The following PLB1 variants were observed in gnomAD, a reference collection of about 807,000 sequenced individuals.
PLB1 encodes the protein phospholipase B1, membrane-associated.
PLB1 carries 242 observed loss-of-function variants against 227.4 expected under a neutral mutation model. The observed-to-expected ratio is 1.06, with a 90% CI of 0.96 to 1.18. The LOEUF is 1.18. PLB1 is among the 50% of genes most tolerant of loss of function. The pLI is 0.00. For missense variants in PLB1, 1,858 were observed against 1,816.3 expected (o/e 1.02, Z -0.42); for synonymous variants, 757 against 682.2 (o/e 1.11, Z -1.71).
chr2:28,596,960 G>A (rs1257269728), intron 33 of PLB1, among the ~76,000 whole-genome samples: 1 of 152,186 alleles, frequency 6.6e-6, no homozygotes, highest in Non-Finnish European at 1.5e-5. Flanking sequence ...CTAAGGCCAC[G>A]TTCTTAAAAT....
intron 53 of PLB1, among the ~76,000 whole-genome samples, chr2:28,630,302 G>A (rs183067110): frequency 9.2e-5 from 14 of 152,294 alleles, no homozygotes; most frequent in Admixed American, 2.0e-4. Context: ...GGGAATAGGC[G>A]TTCTGTCCAC....
At position 28,618,323 on chromosome 2, in the gene PLB1, T is replaced by A; in HGVS notation, c.3257-18T>A. On this transcript the variant is annotated intron_variant, in intron 45 of 57. Transcript: ENST00000327757. ...TACCCCCAGCCCCCACAACCACCTC[T>A]CTGCTTGTCTCCCCTAGTCCACCAG... 1 of 1,613,454 alleles carries A rather than the reference T, an allele frequency of 6.2e-7. No individual in the cohort carries two copies. The highest frequency in any genetic ancestry group is 8.5e-7 in the Non-Finnish European group (1 of 1,179,420).
At chr2:28,606,404 G>C in intron 42 of PLB1, 92 bp from the exon 43 acceptor site, 1 of 1,313,226 alleles carries the variant, frequency 7.6e-7, no homozygotes, top group Non-Finnish European at 1.1e-6. Flanking sequence ...ATCGAGTTCT[G>C]AGCTTTCCCC....
intron 4 of PLB1, among the ~76,000 whole-genome samples, chr2:28,522,568 C>T (rs1669662295): frequency 2.0e-5 from 3 of 152,212 alleles, no homozygotes; most frequent in African/African-American, 7.2e-5. Context: ...CCACAGGACT[C>T]TCGGGTCCTT....
chr2:28,593,846 C>A, intron 33 of PLB1, 92 bp downstream of exon 33: 1 of 1,189,716 alleles, frequency 8.4e-7, no homozygotes, highest in South Asian at 1.3e-5. Flanking sequence ...TCCCAGAGGT[C>A]GAAGACTTGG....
chr2:28,627,853 A>G (rs1688022321), intron 51 of PLB1, among the ~76,000 whole-genome samples: 1 of 152,146 alleles, frequency 6.6e-6, no homozygotes, highest in Non-Finnish European at 1.5e-5. Flanking sequence ...CCATGAGTAT[A>G]AGAGCTTCAG....
At chr2:28,608,986 G>A (rs1685073443) in intron 43 of PLB1, among the ~76,000 whole-genome samples, 1 of 152,142 alleles carries the variant, frequency 6.6e-6, no homozygotes, top group Non-Finnish European at 1.5e-5. Context: ...CGCAATCACA[G>A]CTCTCTGCAG....
At chr2:28,578,635 T>C (rs1198281314) in intron 22 of PLB1, among the ~76,000 whole-genome samples, 3 of 151,834 alleles carry the variant, frequency 2.0e-5, no homozygotes, top group African/African-American at 7.3e-5. Flanking sequence ...AAAATAAAAG[T>C]AGAGGAGATG....
chr2:28,496,154 C>T lies in PLB1; in HGVS notation c.40C>T (p.Leu14=), dbSNP rs1203719758. Residue 14 remains leucine, a synonymous_variant, in exon 1 of 58, where the codon CTG becomes TTG. Coordinates refer to ENST00000327757, the MANE Select transcript of PLB1 (RefSeq NM_153021.5). ...RPGIFLLELL[L]LLGQGTPQIH... ...AGGCATTTTCCTCCTGGAGCTGCTG[C>T]TGCTTCTGGGGCAAGGTAAGCGTGC... is the stretch of plus-strand genomic sequence containing the variant. 6.2e-7 allele frequency: 1 copy of T among 1,614,128 alleles called. No individual in the cohort carries two copies. The highest frequency in any genetic ancestry group is 8.5e-7 in the Non-Finnish European group (1 of 1,179,982).
At chr2:28,556,530 T>C (rs1298511011) in intron 17 of PLB1, among the ~76,000 whole-genome samples, 2 of 152,224 alleles carry the variant, frequency 1.3e-5, no homozygotes, top group African/African-American at 4.8e-5. Context: ...TTTATAACTT[T>C]GTAAACACTC....
At chr2:28,570,434 C>A (rs1321837978) in intron 20 of PLB1, among the ~76,000 whole-genome samples, 3 of 152,160 alleles carry the variant, frequency 2.0e-5, no homozygotes, top group Middle Eastern at 3.2e-3. Flanking sequence ...ACATCATGAT[C>A]ATCTCAATGG....
intron 6 of PLB1, among the ~76,000 whole-genome samples, chr2:28,528,166 C>T (rs1425880810): frequency 6.6e-6 from 1 of 152,198 alleles, no homozygotes. Flanking sequence ...GCCAGCTCTC[C>T]CACCCGCACC....
intron 4 of PLB1, among the ~76,000 whole-genome samples, chr2:28,521,722 C>T (rs893599540): frequency 6.6e-6 from 1 of 152,014 alleles, no homozygotes. Flanking sequence ...CAGCATTTCC[C>T]CACAGCCCCT....
At chr2:28,527,558 C>G (rs59381105) in intron 6 of PLB1, among the ~76,000 whole-genome samples, 12,868 of 152,268 alleles carry the variant, frequency 0.085, 662 homozygotes, top group East Asian at 0.21. Context: ...CCAAACGTAG[C>G]CATGCCCTCG....
At chr2:28,532,689 A>G (rs1210971063) in intron 9 of PLB1, among the ~76,000 whole-genome samples, 1 of 152,206 alleles carries the variant, frequency 6.6e-6, no homozygotes, top group East Asian at 1.9e-4. Flanking sequence ...CTTGCGTCTT[A>G]ATTCTGATTT....
Position 28,604,119 on chromosome 2 carries a change from A to G in PLB1, c.2856+72A>G, listed in dbSNP as rs150626929. ...CTCTAACACACAGCCCAGAGCCCCT[A>G]GAGGAGGCACACAGGGAAGGAAAAG... is the stretch of plus-strand genomic sequence containing the variant. On this transcript the variant is annotated intron_variant, in intron 40 of 57. Transcript: ENST00000327757. The G allele has an allele frequency of 4.2e-6, 6 of 1,412,594 alleles. No individual in the cohort carries two copies. In the African/African-American group the frequency reaches 8.5e-5, roughly 20 times the overall value. The allele number at this position is 1,412,594 out of a possible 1,614,324, so 87.5% of individuals were successfully genotyped here.
chr2:28,572,591 T>C (rs1558795311), intron 20 of PLB1, among the ~76,000 whole-genome samples: 1 of 152,224 alleles, frequency 6.6e-6, no homozygotes. Flanking sequence ...GCAGTACAGT[T>C]GCATGCTACA....
intron 44 of PLB1, among the ~76,000 whole-genome samples, chr2:28,617,199 A>G (rs1686315879): frequency 6.6e-6 from 1 of 152,268 alleles, no homozygotes; most frequent in Non-Finnish European, 1.5e-5. Context: ...ACATACAGGT[A>G]TCCAGAAAAG....
At chr2:28,545,247 CCCAGTG>C (rs3041203) in intron 14 of PLB1, among the ~76,000 whole-genome samples, 72,338 of 151,246 alleles carry the variant, frequency 0.48, 17,585 homozygotes, top group East Asian at 0.76. Flanking sequence ...AGTCCGGTTT[CCCAGTG>C]CCAGTGCAAA....
Sources: allele counts gnomAD v4.1 joint callset (sites outside exome capture counted in the v4.1 genomes callset), GRCh38; gene constraint gnomAD v4.1.1; transcripts MANE v1.5; gene names NCBI Gene and HGNC (gene_info 2026-07-23, HGNC 2026-07-21).